Variants in BRD2 observed in about 807,000 individuals in gnomAD.
BRD2 encodes bromodomain containing 2.
In BRD2, 15 loss-of-function variants were observed where a neutral mutation model predicts 79.1. That is an observed-to-expected ratio of 0.19 (90% CI 0.13 to 0.29). The LOEUF (loss-of-function observed/expected upper bound fraction) is 0.29. BRD2 is among the 10% of genes least tolerant of loss of function. The probability of loss-of-function intolerance (pLI) is 1.00; values close to 1 mark genes in which losing one functional copy is unlikely to be tolerated. For synonymous variants in BRD2, 488 were observed against 358.6 expected (o/e 1.36, Z -4.08); for missense variants, 1,053 against 991.3 (o/e 1.06, Z -0.84).
rs1051035938 is a variant in BRD2, at chr6:32,976,403, A to G, written c.764A>G (p.His255Arg). 3.1e-6 allele frequency: 5 copies of G among 1,612,264 alleles called. No homozygotes were observed. The highest frequency in any genetic ancestry group is 4.2e-6 in the Non-Finnish European group (5 of 1,179,916). The stretch of plus-strand genomic sequence containing the variant: ...TCCTCTCCACTTCTCAAGTCCTTGC[A>G]CTCTGCTGGACCCCCGCTCCTTGCT... ...VISSPLLKSLHSAGPPLLAVT... is the reference protein window; with the variant it reads ...VISSPLLKSLRSAGPPLLAVT... Residue 255 changes from histidine (H) to arginine (R), a missense_variant, in exon 6 of 13, where the codon CAC becomes CGC. Physicochemically the swap from His to Arg is conservative, Grantham distance 29. Coordinates refer to ENST00000374825, the MANE Select transcript of BRD2 (RefSeq NM_005104.4).
At chr6:32,975,197 A>G (rs1778561742) in intron 3 of BRD2, 187 bp from the exon 4 acceptor site, 2 of 1,298,764 alleles carry the variant, frequency 1.5e-6, no homozygotes, top group East Asian at 2.6e-5. Flanking sequence ...TGTGGATGTC[A>G]AGAATCTTTT....
chr6:32,978,018 T>C lies in BRD2; in HGVS notation c.1578+13T>C, dbSNP rs754697731. The C allele has an allele frequency of 4.4e-6, 7 of 1,607,386 alleles. No homozygotes were observed. In the South Asian group the frequency reaches 6.6e-5, roughly 15 times the overall value. On this transcript the variant is annotated intron_variant, in intron 9 of 12. Transcript: ENST00000374825. ...ACTACAGGAACAGGTATTTTGTCAC[T>C]CTTGAAAGTTTTTATTGGGTAAGAG...
intron 10 of BRD2, 35 bp downstream of exon 10, chr6:32,978,423 T>A: frequency 6.3e-7 from 1 of 1,596,658 alleles, no homozygotes; most frequent in Non-Finnish European, 8.5e-7. Context: ...CTAGTTTGGC[T>A]ATTTCTGTCT....
At chr6:32,979,676 G>A in intron 10 of BRD2, 152 bp from the exon 11 acceptor site, 1 of 838,352 alleles carries the variant, frequency 1.2e-6, no homozygotes. Flanking sequence ...TCACTATACA[G>A]TGTCCCAGTA....
At chr6:32,969,445 TTTAGG>T in intron 1 of BRD2, 1 of 690,810 alleles carries the variant, frequency 1.4e-6, no homozygotes, top group Non-Finnish European at 2.7e-6. Context: ...ATGTGAATGC[TTTAGG>T]AGTTGGCCAC....
At chr6:32,973,762 C>T (rs540106231) in intron 2 of BRD2, among the ~76,000 whole-genome samples, 51 of 152,160 alleles carry the variant, frequency 3.4e-4, no homozygotes, top group African/African-American at 1.2e-3. Flanking sequence ...TTTTGTACGG[C>T]TTTTTGACTT....
chr6:32,977,425 G>T lies in BRD2; in HGVS notation c.1201-17G>T. ...TCTTCCTGCCTGTGCAGCTTCTGAT[G>T]CTGCCTCCTTCTGCAGCGGAAGATG... On this transcript the variant is annotated splice_polypyrimidine_tract_variant and intron_variant, in intron 7 of 12. Transcript: ENST00000374825. The T allele has an allele frequency of 1.2e-6, 2 of 1,613,710 alleles. No individual in the cohort carries two copies. Among genetic ancestry groups the T allele is most frequent in the Non-Finnish European group, 1.7e-6 (2 of 1,180,004 alleles).
At position 32,980,479 on chromosome 6, in the gene BRD2, T is replaced by C. The variant is rs1406218846; in HGVS notation, c.2269+15T>C. 3 of 1,612,846 alleles carry C rather than the reference T, an allele frequency of 1.9e-6. No individual in the cohort carries two copies. The highest frequency in any genetic ancestry group is 2.2e-5 in the East Asian group (1 of 44,902). ...CCCCAAGAAAGGTGAGTATATACTT[T>C]CATGCCACTACAGATTGACTCCATC... On this transcript the variant is annotated intron_variant, in intron 12 of 12. Transcript: ENST00000374825.
intron 10 of BRD2, chr6:32,979,072 G>GT (rs201442612): frequency 0.073 from 9,631 of 132,528 alleles, 538 homozygotes; most frequent in East Asian, 0.11. Context: ...TTTGTTTTTT[G>GT]TTTTGTTTTT....
intron 2 of BRD2, 27 bp from the exon 3 acceptor site, chr6:32,974,435 G>A (rs372751994): frequency 1.9e-6 from 3 of 1,594,410 alleles, no homozygotes; most frequent in East Asian, 2.2e-5. Context: ...GGACGATATT[G>A]CCCTAATTTT....
At chr6:32,980,155 C>T in intron 11 of BRD2, 23 bp downstream of exon 11, 2 of 1,603,168 alleles carry the variant, frequency 1.2e-6, no homozygotes, top group East Asian at 2.2e-5. Context: ...TGAGGTTCAT[C>T]TCATGGTTCT....
At position 32,971,934 on chromosome 6, in the gene BRD2, C is replaced by T. The variant is rs1049906062; in HGVS notation, c.-965C>T. The T allele has an allele frequency of 7.1e-6, 5 of 702,832 alleles. No homozygotes were observed. The highest frequency in any genetic ancestry group is 5.2e-5 in the African/African-American group (3 of 57,230). 43.5% of individuals were successfully genotyped at this position (702,832 alleles called of 1,614,324 possible). On this transcript the variant is annotated 5_prime_UTR_variant, in exon 2 of 13. Coordinates refer to ENST00000374825, the MANE Select transcript of BRD2 (RefSeq NM_005104.4). Reference sequence around the variant, plus strand: ...GGCTTGGAGATGTGGCGGGTTGCCACTTCCCTGTGGGTCTCTGCGGCACTC... The same window carrying T: ...GGCTTGGAGATGTGGCGGGTTGCCATTTCCCTGTGGGTCTCTGCGGCACTC...
At chr6:32,977,221 G>A in intron 7 of BRD2, 1 of 1,521,022 alleles carries the variant, frequency 6.6e-7, no homozygotes, top group Non-Finnish European at 8.8e-7. Context: ...ACAGGCATAG[G>A]CCACCTCTCT....
Position 32,975,910 on chromosome 6 carries a change from C to T in BRD2, c.472-121C>T. 3.4e-6 allele frequency: 4 copies of T among 1,162,438 alleles called. No homozygotes were observed. The Admixed American group carries it at 1.2e-4, about 33-fold the overall frequency. The allele number at this position is 1,162,438 out of a possible 1,614,324, so 72.0% of individuals were successfully genotyped here. A position where few individuals can be genotyped will look rare whatever the true frequency, so the allele number is the denominator to read the frequency against. ...GGAAATTTTCTTTAAGATTTGATGA[C>T]AAGATGACTGGTGGGGGTATGGTAA... On this transcript the variant is annotated intron_variant, in intron 4 of 12. Transcript: ENST00000374825.
chr6:32,973,937 G>C (rs1778371770), intron 2 of BRD2, among the ~76,000 whole-genome samples: 1 of 152,112 alleles, frequency 6.6e-6, no homozygotes, highest in Non-Finnish European at 1.5e-5. Context: ...GAACTACCCA[G>C]ACCTTGTGGA....
Position 32,972,425 on chromosome 6 carries a change from C to A in BRD2, c.-474C>A, listed in dbSNP as rs895856430. The stretch of plus-strand genomic sequence containing the variant: ...GCCCAATCCTCGGAGTCTGTCCACC[C>A]CCTCTACTCCGCCCTCAAGAGGATT... On this transcript the variant is annotated 5_prime_UTR_variant, in exon 2 of 13. Coordinates refer to ENST00000374825, the MANE Select transcript of BRD2 (RefSeq NM_005104.4). The A allele has an allele frequency of 6.7e-6, 2 of 298,018 alleles. No homozygotes were observed. Among genetic ancestry groups the A allele is most frequent in the Non-Finnish European group, 1.3e-5 (2 of 155,178 alleles). The allele number at this position is 298,018 out of a possible 1,614,324, so 18.5% of individuals were successfully genotyped here.
intron 10 of BRD2, chr6:32,978,605 TC>T: frequency 1.4e-6 from 1 of 709,010 alleles, no homozygotes; most frequent in Non-Finnish European, 2.3e-6. Context: ...ATGAAACTGT[TC>T]CACCTCAGAT....
chr6:32,977,298 T>G (rs1778894556), intron 7 of BRD2, 144 bp from the exon 8 acceptor site: 1 of 1,595,872 alleles, frequency 6.3e-7, no homozygotes, highest in African/African-American at 1.3e-5. Context: ...TTCCTTTGAC[T>G]TCAAACTTGA....
rs1778454401 is a variant in BRD2, at chr6:32,974,516, A to G, written c.84A>G (p.Ala28=). ...TGGGGCTGGGCCCAGAAGCAGCAGC[A>G]CCAGGGAAGAGGATTCGAAAACCCT... The part of the protein sequence containing the change: ...GLLGLGPEAA[A]PGKRIRKPSL... The change falls in exon 3 of 13, where the codon GCA becomes GCG. Residue 28 remains alanine, a synonymous_variant. Transcript: ENST00000374825. 1.2e-6 allele frequency: 2 copies of G among 1,614,016 alleles called. No individual in the cohort carries two copies. The highest frequency in any genetic ancestry group is 1.7e-6 in the Non-Finnish European group (2 of 1,179,966).
Sources: allele counts gnomAD v4.1 joint callset (sites outside exome capture counted in the v4.1 genomes callset), GRCh38; gene constraint gnomAD v4.1.1; transcripts MANE v1.5; gene names NCBI Gene and HGNC (gene_info 2026-07-23, HGNC 2026-07-21).